The following DUSP19 variants were observed in gnomAD, a reference collection of about 807,000 sequenced individuals.
DUSP19 encodes the protein dual specificity protein phosphatase 19.
A neutral mutation model predicts 16.6 loss-of-function variants in DUSP19; 14 were observed. The observed-to-expected ratio is 0.84, with a 90% confidence interval of 0.56 to 1.32. The LOEUF is 1.32. Among genes scored for constraint, DUSP19 ranks in the 40% most tolerant of loss-of-function variants. The probability of loss-of-function intolerance (pLI) is 0.00; values close to 1 mark genes in which losing one functional copy is unlikely to be tolerated. For synonymous variants in DUSP19, 81 were observed against 90.5 expected (o/e 0.90, Z 0.59); for missense variants, 258 against 255.9 (o/e 1.01, Z -0.06).
In DUSP19 at chr2:183,099,136, T is replaced by C. The variant is rs1189873414; in HGVS notation, c.*3478T>C. 2 of 152,168 alleles carry C rather than the reference T, an allele frequency of 1.3e-5. No individual in the cohort carries two copies. Among genetic ancestry groups the C allele is most frequent in the Non-Finnish European group, 2.9e-5 (2 of 68,016 alleles). 9.4% of individuals were successfully genotyped at this position (152,168 alleles called of 1,614,324 possible). Reference sequence around the variant, plus strand: ...CAGCATGATTATTTGTAACTCAGATTGTTCAAATGTATATAGAAGGTCCCC... The same window carrying C: ...CAGCATGATTATTTGTAACTCAGATCGTTCAAATGTATATAGAAGGTCCCC... On this transcript the variant is annotated 3_prime_UTR_variant, in exon 4 of 4. Coordinates refer to ENST00000354221, the MANE Select transcript of DUSP19 (RefSeq NM_080876.4).
At chr2:183,084,127 G>A (rs1051124713) in intron 2 of DUSP19, among the ~76,000 whole-genome samples, 3 of 152,144 alleles carry the variant, frequency 2.0e-5, no homozygotes, top group African/African-American at 4.8e-5. Flanking sequence ...ACCGAACAGC[G>A]TTTGTGTGCT....
In DUSP19 at chr2:183,083,535, A is replaced by G. The variant is rs1174045600; in HGVS notation, c.254A>G (p.Asp85Gly). 1 of 1,611,908 alleles carries G rather than the reference A, an allele frequency of 6.2e-7. No homozygotes were observed. The highest frequency in any genetic ancestry group is 1.7e-5 in the Admixed American group (1 of 59,854). ...TCACAAGATGCTGCTCATGATTTGG[A>G]TACACTGAAAAAGAATAAGGTAAAA... is the stretch of plus-strand genomic sequence containing the variant. ...LGSQDAAHDL[D>G]TLKKNKVTHI... The change falls in exon 2 of 4, where the codon GAT becomes GGT. Residue 85 changes from aspartate to glycine, a missense_variant. Transcript: ENST00000354221.
chr2:183,085,441 A>G (rs981137164), intron 2 of DUSP19, among the ~76,000 whole-genome samples: 5 of 152,236 alleles, frequency 3.3e-5, no homozygotes, highest in African/African-American at 9.6e-5. Flanking sequence ...ATGCTGTAAA[A>G]GTTTAAGTAC....
intron 1 of DUSP19, among the ~76,000 whole-genome samples, chr2:183,082,419 C>CTTTTTTTTTTTT (rs71008260): frequency 7.1e-5 from 6 of 84,826 alleles, no homozygotes; most frequent in Non-Finnish European, 1.1e-4. Context: ...GAACATTTTT[C>CTTTTTTTTTTTT]TTTTTTTTTT....
chr2:183,094,298 A>C (rs1212307780), intron 3 of DUSP19, among the ~76,000 whole-genome samples: 1 of 152,192 alleles, frequency 6.6e-6, no homozygotes, highest in Non-Finnish European at 1.5e-5. Flanking sequence ...CAGAAGTAAA[A>C]TAATCCAATG....
chr2:183,099,203 A>G lies in DUSP19; in HGVS notation c.*3545A>G, dbSNP rs1699842620. ...CCAAGTAGTCATAAATGTAGCAAGT[A>G]TAAATCAGAATATCATCTTATAATC... On this transcript the variant is annotated 3_prime_UTR_variant, in exon 4 of 4. Transcript: ENST00000354221. 6.6e-6 allele frequency: 1 copy of G among 152,224 alleles called. No homozygotes were observed. Among genetic ancestry groups the G allele is most frequent in the Non-Finnish European group, 1.5e-5 (1 of 68,020 alleles). 9.4% of individuals were successfully genotyped at this position (152,224 alleles called of 1,614,324 possible).
Position 183,078,786 on chromosome 2 carries a change from T to G in DUSP19, c.-148T>G. The G allele has an allele frequency of 3.0e-6, 2 of 668,782 alleles. No homozygotes were observed. The highest frequency in any genetic ancestry group is 5.1e-6 in the Non-Finnish European group (2 of 395,402). 41.4% of individuals were successfully genotyped at this position (668,782 alleles called of 1,614,324 possible). A position where few individuals can be genotyped will look rare whatever the true frequency, so the allele number is the denominator to read the frequency against. On this transcript the variant is annotated 5_prime_UTR_variant, in exon 1 of 4. Coordinates refer to ENST00000354221, the MANE Select transcript of DUSP19 (RefSeq NM_080876.4). ...GGATAAACGGAGCTGGACGACTCAG[T>G]CTCTTGGTCTGTGGCTGCTGCGGTT...
intron 2 of DUSP19, among the ~76,000 whole-genome samples, chr2:183,084,253 A>C (rs1051134488): frequency 6.6e-6 from 1 of 151,968 alleles, no homozygotes; most frequent in South Asian, 2.1e-4. Context: ...TCCTGGAGGA[A>C]GTGATATTGA....
intron 1 of DUSP19, among the ~76,000 whole-genome samples, chr2:183,079,497 GA>G (rs1348275295): frequency 1.3e-5 from 2 of 152,134 alleles, no homozygotes; most frequent in Non-Finnish European, 2.9e-5. Context: ...AAAAAGGAAT[GA>G]AAAAAGAATG....
intron 3 of DUSP19, among the ~76,000 whole-genome samples, chr2:183,090,969 T>G (rs1336890661): frequency 1.3e-5 from 2 of 152,184 alleles, no homozygotes; most frequent in Non-Finnish European, 2.9e-5. Flanking sequence ...GGCGGCCACT[T>G]TGGTCCTGGG....
chr2:183,091,488 T>C (rs1051968570), intron 3 of DUSP19, among the ~76,000 whole-genome samples: 1 of 152,180 alleles, frequency 6.6e-6, no homozygotes, highest in African/African-American at 2.4e-5. Context: ...AGTTTCCCAA[T>C]GGCCACTTCA....
intron 3 of DUSP19, among the ~76,000 whole-genome samples, chr2:183,088,628 G>T (rs543432168): frequency 3.3e-5 from 5 of 151,908 alleles, no homozygotes; most frequent in Admixed American, 6.6e-5. Flanking sequence ...TCACCGTGTT[G>T]CCCAGGCTGG....
chr2:183,082,780 C>G (rs1447724308), intron 1 of DUSP19, among the ~76,000 whole-genome samples: 1 of 151,888 alleles, frequency 6.6e-6, no homozygotes, highest in Admixed American at 6.6e-5. Flanking sequence ...CTCTCTTTCT[C>G]TCTCTCTCCC....
chr2:183,085,931 T>G (rs1303840474), intron 2 of DUSP19, among the ~76,000 whole-genome samples: 1 of 135,514 alleles, frequency 7.4e-6, no homozygotes, highest in Non-Finnish European at 1.5e-5. Context: ...AGTGGCATGA[T>G]CGTGGCTCAC....
rs1273945926 is a variant in DUSP19 at position 183,078,994 on chromosome 2, A to G, written c.61A>G (p.Thr21Ala). The G allele has an allele frequency of 6.2e-7, 1 of 1,614,208 alleles. No individual in the cohort carries two copies. Among genetic ancestry groups the G allele is most frequent in the East Asian group, 2.2e-5 (1 of 44,888 alleles). Residue 21 changes from threonine (T) to alanine (A), a missense_variant, in exon 1 of 4, where the codon ACC becomes GCC. By Grantham distance (58) the Thr-to-Ala change is moderately conservative. Coordinates refer to ENST00000354221, the MANE Select transcript of DUSP19 (RefSeq NM_080876.4). ...CCGGAATAATCTCAGGAAGCAATGC[A>G]CCAGGGTGACAACGCTAACTGGAAA... ...FSRNNLRKQC[T>A]RVTTLTGKKI...
chr2:183,099,924 G>A lies in DUSP19; in HGVS notation c.*4266G>A, dbSNP rs549604683. 6.6e-6 allele frequency: 1 copy of A among 151,726 alleles called. No individual in the cohort carries two copies. Among genetic ancestry groups the A allele is most frequent in the Admixed American group, 6.6e-5 (1 of 15,224 alleles). 9.4% of individuals were successfully genotyped at this position (151,726 alleles called of 1,614,324 possible). A position where few individuals can be genotyped will look rare whatever the true frequency, so the allele number is the denominator to read the frequency against. On this transcript the variant is annotated 3_prime_UTR_variant, in exon 4 of 4. Transcript: ENST00000354221. ...AGGTAGGAGAATTGCTTGACCCTGG[G>A]AGGTGGAGGTGGCAGTGAGCCGAGA...
intron 2 of DUSP19, 77 bp downstream of exon 2, chr2:183,083,631 C>A: frequency 7.8e-7 from 1 of 1,282,178 alleles, no homozygotes; most frequent in South Asian, 1.4e-5. Flanking sequence ...CTGTATTGGT[C>A]CATCTTTGGT....
intron 3 of DUSP19, among the ~76,000 whole-genome samples, chr2:183,088,964 A>G (rs1220038513): frequency 6.6e-6 from 1 of 152,240 alleles, no homozygotes; most frequent in Non-Finnish European, 1.5e-5. Context: ...AGTAAAAATT[A>G]GAGAGGTTAA....
intron 1 of DUSP19, among the ~76,000 whole-genome samples, chr2:183,082,533 C>T (rs1307160863): frequency 1.3e-5 from 2 of 148,710 alleles, no homozygotes; most frequent in African/African-American, 5.0e-5. Flanking sequence ...AAGCAAGTCT[C>T]GTGCCTCAGC....
Sources: gnomAD v4.1 joint callset for allele counts (sites outside exome capture counted in the v4.1 genomes callset) on GRCh38, gnomAD v4.1.1 for gene constraint, MANE v1.5 for transcripts, NCBI Gene and HGNC (gene_info 2026-07-23, HGNC 2026-07-21) for gene names.